The following DIP2C variants were observed in gnomAD, a reference collection of about 807,000 sequenced individuals.
The protein encoded by DIP2C is disco-interacting protein 2 homolog C.
In DIP2C, 33 loss-of-function variants were observed where a neutral mutation model predicts 192.4. That is an observed-to-expected ratio of 0.17 (90% CI 0.13 to 0.23). The LOEUF (loss-of-function observed/expected upper bound fraction) is 0.23, where lower values mean the gene tolerates loss of function less well. Among genes scored for constraint, DIP2C ranks in the 10% least tolerant of loss-of-function variants. DIP2C has a pLI of 1.00. For missense variants in DIP2C, 1,537 were observed against 2,110.1 expected, an observed-to-expected ratio of 0.73 and a Z score of 5.32; for synonymous variants, 979 against 864.1, an observed-to-expected ratio of 1.13 and a Z score of -2.33.
At chr10:412,748 T>C (rs1965269614) in intron 8 of DIP2C, among the ~76,000 whole-genome samples, 2 of 152,200 alleles carry the variant, frequency 1.3e-5, no homozygotes, top group Admixed American at 6.5e-5. Context: ...CCATGGCTAA[T>C]GTAGAAATCA....
Position 410,161 on chromosome 10 carries a change from T to A in DIP2C, c.1058-1144A>T, listed in dbSNP as rs190334441. Among the ~76,000 whole-genome samples, 70 of 152,354 alleles carry A rather than the reference T, an allele frequency of 4.6e-4. No homozygotes were observed. In the East Asian group the frequency reaches 0.013, roughly 27 times the overall value. ...TCCTTAGATTAGTGTTATTATTATTTATCTACCACAGTATTTATCCCCTTG... is the reference window on the plus strand; with the variant it reads ...TCCTTAGATTAGTGTTATTATTATTAATCTACCACAGTATTTATCCCCTTG... On this transcript the variant is annotated intron_variant, in intron 8 of 36. Transcript: ENST00000280886.
At chr10:316,813 T>C (rs1459188394) in intron 31 of DIP2C, among the ~76,000 whole-genome samples, 2 of 152,256 alleles carry the variant, frequency 1.3e-5, no homozygotes, top group African/African-American at 2.4e-5. Context: ...CTGCCATTTA[T>C]GTTTTTTAAA....
intron 1 of DIP2C, among the ~76,000 whole-genome samples, chr10:541,379 C>G (rs985994833): frequency 1.3e-5 from 2 of 152,134 alleles, no homozygotes; most frequent in Non-Finnish European, 2.9e-5. Flanking sequence ...ACAGCTTGAC[C>G]TTCCACCTGA....
intron 28 of DIP2C, among the ~76,000 whole-genome samples, chr10:342,111 G>A (rs576589306): frequency 4.0e-4 from 61 of 151,992 alleles, no homozygotes; most frequent in African/African-American, 1.3e-3. Context: ...GAAATAGTGC[G>A]TTTGAACAGC....
At chr10:449,841 T>C (rs558667844) in intron 3 of DIP2C, among the ~76,000 whole-genome samples, 24 of 147,800 alleles carry the variant, frequency 1.6e-4, no homozygotes, top group South Asian at 1.3e-3. Flanking sequence ...AAGAAAATAT[T>C]AATAAACTAT....
At chr10:421,672 A>T in intron 5 of DIP2C, among the ~76,000 whole-genome samples, 1 of 152,254 alleles carries the variant, frequency 6.6e-6, no homozygotes, top group African/African-American at 2.4e-5. Context: ...ATTACTTTAC[A>T]AACTTTTACA....
chr10:508,628 C>T (rs914072720), intron 1 of DIP2C, among the ~76,000 whole-genome samples: 1 of 152,132 alleles, frequency 6.6e-6, no homozygotes. Context: ...GGGTGAGTGG[C>T]TGATGGACAA....
At chr10:325,278 CA>C (rs547944516) in intron 31 of DIP2C, among the ~76,000 whole-genome samples, 67 of 141,542 alleles carry the variant, frequency 4.7e-4, no homozygotes, top group African/African-American at 1.2e-3. Context: ...AACAAACAAA[CA>C]AAAAAAAAAC....
At chr10:485,892 TTC>T (rs1271213665) in intron 2 of DIP2C, among the ~76,000 whole-genome samples, 2 of 152,220 alleles carry the variant, frequency 1.3e-5, no homozygotes, top group African/African-American at 2.4e-5. Context: ...TAATATGAGA[TTC>T]TTTTTCCTGA....
intron 10 of DIP2C, among the ~76,000 whole-genome samples, chr10:394,817 G>A (rs1270868810): frequency 4.8e-5 from 7 of 145,516 alleles, no homozygotes; most frequent in African/African-American, 1.8e-4. Context: ...AGCCTTCAGG[G>A]AGGAGGGAAG....
chr10:320,478 A>G (rs1956956703), intron 31 of DIP2C, among the ~76,000 whole-genome samples: 1 of 150,870 alleles, frequency 6.6e-6, no homozygotes, highest in South Asian at 2.1e-4. Flanking sequence ...ATTACACTCC[A>G]GCCTGGATGA....
At position 424,982 on chromosome 10, in the gene DIP2C, C is replaced by T. The variant is rs61837191; in HGVS notation, c.395-1949G>A. Among the ~76,000 whole-genome samples, 999 of 128,346 alleles carry T rather than the reference C, an allele frequency of 7.8e-3. 3 individuals are homozygous for T. The highest frequency in any genetic ancestry group is 0.019 in the African/African-American group (624 of 33,688). The allele number at this position is 128,346 out of a possible 152,430, so 84.2% of individuals were successfully genotyped here. On this transcript the variant is annotated intron_variant, in intron 4 of 36. Transcript: ENST00000280886. ...ACAGCATGACCAGCAGTGACTAATA[C>T]GACACGGATGATACAGCATGACCAG...
intron 24 of DIP2C, among the ~76,000 whole-genome samples, chr10:355,860 C>G (rs186759750): frequency 1.7e-4 from 26 of 152,226 alleles, no homozygotes; most frequent in Admixed American, 3.9e-4. Context: ...GTGGATCACT[C>G]AAGGCCAGGA....
intron 1 of DIP2C, among the ~76,000 whole-genome samples, chr10:519,794 G>GA (rs1169585884): frequency 6.6e-6 from 1 of 152,238 alleles, no homozygotes; most frequent in African/African-American, 2.4e-5. Flanking sequence ...ACGCAGTCTT[G>GA]AAGCACAGCT....
At chr10:384,745 T>C (rs1007031286) in intron 14 of DIP2C, 106 bp from the exon 15 acceptor site, 1 of 1,134,150 alleles carries the variant, frequency 8.8e-7, no homozygotes, top group Non-Finnish European at 1.3e-6. Context: ...GGGGGAGCTC[T>C]CAGGGAGCGC....
chr10:392,493 G>A (rs927453612), intron 10 of DIP2C, among the ~76,000 whole-genome samples: 2 of 152,238 alleles, frequency 1.3e-5, no homozygotes, highest in East Asian at 3.8e-4. Context: ...GGAGCAGCAG[G>A]CCTGGGAGGA....
intron 1 of DIP2C, among the ~76,000 whole-genome samples, chr10:576,058 A>G (rs1188730031): frequency 6.6e-6 from 1 of 152,148 alleles, no homozygotes; most frequent in Non-Finnish European, 1.5e-5. Context: ...CCAGGAACTC[A>G]CCTTTGTCCG....
chr10:420,209 T>C (rs1966088040), intron 5 of DIP2C, among the ~76,000 whole-genome samples: 1 of 152,092 alleles, frequency 6.6e-6, no homozygotes, highest in South Asian at 2.1e-4. Flanking sequence ...GACGGCGAAA[T>C]CAACTGAACG....
chr10:553,945 G>A lies in DIP2C; in HGVS notation c.86-67415C>T, dbSNP rs192840373. 2.1e-3 allele frequency among the ~76,000 whole-genome samples: 302 copies of A among 147,316 alleles called. 2 individuals carry two copies. The highest frequency in any genetic ancestry group is 0.012 in the Middle Eastern group (3 of 260). On this transcript the variant is annotated intron_variant, in intron 1 of 36. Transcript: ENST00000280886. ...TAACAGTGGTGAACAGGCAAGAAAT[G>A]ATACCTCATAGAAAAAACGTATACG...
Sources: gnomAD v4.1 joint callset for allele counts (sites outside exome capture counted in the v4.1 genomes callset) on GRCh38, gnomAD v4.1.1 for gene constraint, MANE v1.5 for transcripts, NCBI Gene and HGNC (gene_info 2026-07-23, HGNC 2026-07-21) for gene names.